Variants in CSNK1G1 observed in about 807,000 individuals in gnomAD.
CSNK1G1 encodes the protein casein kinase 1 gamma 1, also known as casein kinase I isoform gamma-1.
Under a neutral mutation model 59.6 loss-of-function variants are expected in CSNK1G1, and 22 were observed. That is an observed-to-expected ratio of 0.37 (90% confidence interval 0.26 to 0.53). The LOEUF (loss-of-function observed/expected upper bound fraction) is 0.53, where lower values mean the gene tolerates loss of function less well. Among genes scored for constraint, CSNK1G1 ranks in the 20% least tolerant of loss-of-function variants. CSNK1G1 has a pLI of 0.89. For missense variants in CSNK1G1, 384 were observed against 519.5 expected, an observed-to-expected ratio of 0.74 and a Z score of 2.54; for synonymous variants, 179 against 177.1, an observed-to-expected ratio of 1.01 and a Z score of -0.08.
intron 4 of CSNK1G1, among the ~76,000 whole-genome samples, chr15:64,243,462 C>A (rs542527392): frequency 6.6e-6 from 1 of 152,178 alleles, no homozygotes; most frequent in African/African-American, 2.4e-5. Flanking sequence ...CAGGGAAAAG[C>A]TGAATTTCTC....
At chr15:64,204,721 TA>T in intron 8 of CSNK1G1, 132 bp from the exon 9 acceptor site, 2 of 1,204,304 alleles carry the variant, frequency 1.7e-6, no homozygotes, top group East Asian at 2.3e-5. Context: ...ACTGACAAAA[TA>T]AAAGTGATAA....
intron 2 of CSNK1G1, among the ~76,000 whole-genome samples, chr15:64,296,341 G>A (rs1335232326): frequency 6.6e-6 from 1 of 152,098 alleles, no homozygotes; most frequent in Non-Finnish European, 1.5e-5. Context: ...TGTTGGTATT[G>A]AAATCCTAAG....
At chr15:64,308,611 T>G (rs1895817971) in intron 1 of CSNK1G1, among the ~76,000 whole-genome samples, 1 of 151,738 alleles carries the variant, frequency 6.6e-6, no homozygotes, top group South Asian at 2.1e-4. Context: ...TAAAACAAAA[T>G]CCTGGCCAGG....
intron 3 of CSNK1G1, among the ~76,000 whole-genome samples, chr15:64,255,716 T>C (rs1374394042): frequency 6.6e-6 from 1 of 152,220 alleles, no homozygotes; most frequent in African/African-American, 2.4e-5. Context: ...TGAAGGCTCT[T>C]TCCTGAATCC....
chr15:64,343,812 C>T (rs1172548905), intron 1 of CSNK1G1, among the ~76,000 whole-genome samples: 1 of 150,874 alleles, frequency 6.6e-6, no homozygotes, highest in African/African-American at 2.4e-5. Flanking sequence ...ATTACCACAG[C>T]TCTAGTATGG....
chr15:64,173,196 C>T (rs1371281539), intron 11 of CSNK1G1, among the ~76,000 whole-genome samples: 1 of 152,160 alleles, frequency 6.6e-6, no homozygotes, highest in Non-Finnish European at 1.5e-5. Context: ...CTTCCCATAC[C>T]CCTAGGTATT....
chr15:64,275,123 A>T (rs949306271), intron 2 of CSNK1G1, among the ~76,000 whole-genome samples: 3 of 151,928 alleles, frequency 2.0e-5, no homozygotes, highest in Non-Finnish European at 4.4e-5. Context: ...GCTCACTGAA[A>T]CTCTGCCTCC....
At chr15:64,264,156 T>C (rs913182685) in intron 2 of CSNK1G1, among the ~76,000 whole-genome samples, 3 of 152,196 alleles carry the variant, frequency 2.0e-5, no homozygotes, top group Non-Finnish European at 4.4e-5. Context: ...AATGCAAATA[T>C]AGGAGTTTTA....
chr15:64,274,989 T>C (rs1893526548), intron 2 of CSNK1G1, among the ~76,000 whole-genome samples: 1 of 152,218 alleles, frequency 6.6e-6, no homozygotes, highest in South Asian at 2.1e-4. Flanking sequence ...ATGATTACCA[T>C]GTCTATTTAG....
chr15:64,278,428 A>G (rs1332413094), intron 2 of CSNK1G1, among the ~76,000 whole-genome samples: 1 of 113,102 alleles, frequency 8.8e-6, no homozygotes, highest in Non-Finnish European at 1.8e-5. Flanking sequence ...GTATATATAT[A>G]TATATTTTTT....
rs1005565868 is a variant in CSNK1G1 at position 64,305,069 on chromosome 15, T to TA, written c.-224-4347dup. 1.4e-3 allele frequency among the ~76,000 whole-genome samples: 220 copies of TA among 151,838 alleles called. 2 individuals carry two copies. The East Asian group carries it at 0.024, about 16-fold the overall frequency. ...TTTCTCCTTATAAGTCTTTTTTTTT[T>TA]AAATTATGTTGGTCAACGATAAAAA... On this transcript the variant is annotated intron_variant, in intron 1 of 11. Coordinates refer to ENST00000303052, the MANE Select transcript of CSNK1G1 (RefSeq NM_022048.5).
At chr15:64,282,858 A>G (rs2140370516) in intron 2 of CSNK1G1, among the ~76,000 whole-genome samples, 1 of 152,290 alleles carries the variant, frequency 6.6e-6, no homozygotes, top group South Asian at 2.1e-4. Flanking sequence ...AGGGTATGAA[A>G]TGGTAACTGT....
chr15:64,306,027 AT>A (rs889356942), intron 1 of CSNK1G1, among the ~76,000 whole-genome samples: 5 of 152,216 alleles, frequency 3.3e-5, no homozygotes, highest in Non-Finnish European at 7.3e-5. Context: ...AAAACACAAA[AT>A]GATAAAACTC....
intron 3 of CSNK1G1, among the ~76,000 whole-genome samples, chr15:64,252,500 C>T (rs1330599368): frequency 6.7e-6 from 1 of 149,202 alleles, no homozygotes; most frequent in African/African-American, 2.6e-5. Context: ...GCATAAGCCA[C>T]TGCACCTGGC....
intron 4 of CSNK1G1, among the ~76,000 whole-genome samples, chr15:64,245,670 C>G (rs535393498): frequency 6.6e-6 from 1 of 151,106 alleles, no homozygotes; most frequent in Admixed American, 6.6e-5. Context: ...CTCAGAGAGG[C>G]GAGGTGGGAG....
At chr15:64,198,718 G>A (rs2082068129) in intron 10 of CSNK1G1, among the ~76,000 whole-genome samples, 1 of 143,704 alleles carries the variant, frequency 7.0e-6, no homozygotes, top group South Asian at 2.2e-4. Context: ...AGATTTGGCT[G>A]CAAATTTTCT....
intron 4 of CSNK1G1, among the ~76,000 whole-genome samples, chr15:64,222,936 GA>G (rs1288365391): frequency 6.6e-6 from 1 of 152,174 alleles, no homozygotes; most frequent in Non-Finnish European, 1.5e-5. Flanking sequence ...TTGAAGGAAA[GA>G]ATTTTAAGGC....
In CSNK1G1 at chr15:64,204,534, A is replaced by G; in HGVS notation, c.906T>C (p.Pro302=). The change falls in exon 9 of 12, where the codon CCT becomes CCC. Residue 302 remains proline (P), a synonymous_variant. Transcript: ENST00000303052. ...AGAGGGTCCGTAAATACTCATAATC[A>G]GGTTTTTCAAAGAAGTCCAGTCGCC... ...YVRRLDFFEK[P]DYEYLRTLFT... 1.9e-6 allele frequency: 3 copies of G among 1,614,016 alleles called. No individual in the cohort carries two copies. Among genetic ancestry groups the G allele is most frequent in the Non-Finnish European group, 2.5e-6 (3 of 1,179,934 alleles).
intron 1 of CSNK1G1, among the ~76,000 whole-genome samples, chr15:64,314,565 TAAAAA>T (rs34630204): frequency 8.4e-5 from 11 of 130,618 alleles, no homozygotes; most frequent in Admixed American, 2.3e-4. Flanking sequence ...ACCACAGAAT[TAAAAA>T]AAAAAAAAAA....
Sources: allele counts gnomAD v4.1 joint callset (sites outside exome capture counted in the v4.1 genomes callset), GRCh38; gene constraint gnomAD v4.1.1; transcripts MANE v1.5; gene names NCBI Gene and HGNC (gene_info 2026-07-23, HGNC 2026-07-21).